The following ELAVL3 variants were observed in gnomAD, a reference collection of about 807,000 sequenced individuals.
The protein encoded by ELAVL3 is ELAV-like protein 3.
In ELAVL3, 8 loss-of-function variants were observed where a neutral mutation model predicts 34.2. The ratio of observed to expected loss-of-function variants is 0.23; its 90% CI spans 0.14 to 0.42. ELAVL3 has a LOEUF of 0.42. Ranked by LOEUF, ELAVL3 falls within the 10% of genes least tolerant of loss-of-function variation. ELAVL3 has a pLI of 1.00. For missense variants in ELAVL3, 273 were observed against 518.8 expected (o/e 0.53, Z 4.60); for synonymous variants, 209 against 222.1 (o/e 0.94, Z 0.53).
At chr19:11,464,838 CAG>C (rs1970991283) in intron 3 of ELAVL3, among the ~76,000 whole-genome samples, 1 of 121,508 alleles carries the variant, frequency 8.2e-6, no homozygotes, top group African/African-American at 3.2e-5. Context: ...ACACACAAAC[CAG>C]ACACACACAT....
At chr19:11,470,897 G>C (rs1370542149) in intron 1 of ELAVL3, among the ~76,000 whole-genome samples, 1 of 152,256 alleles carries the variant, frequency 6.6e-6, no homozygotes, top group African/African-American at 2.4e-5. Context: ...CCAGGCTGGA[G>C]TGCAGTGTTG....
chr19:11,454,449 TTC>T lies in ELAVL3; in HGVS notation c.*75_*76del, dbSNP rs925424662. On this transcript the variant is annotated 3_prime_UTR_variant, in exon 7 of 7. Coordinates refer to ENST00000359227, the MANE Select transcript of ELAVL3 (RefSeq NM_001420.4). The surrounding 1 kb of genome is among the most constrained non-coding windows in gnomAD (Gnocchi z 9.2). ...GCCTGTGCTGTCTCTCTTGGGCCCC[TTC>T]TCTCTCTCTCTCTCTCTTTCTCTCT... The T allele has an allele frequency of 0.033, 28,254 of 853,172 alleles. 11 individuals are homozygous for T. Among genetic ancestry groups the T allele is most frequent in the Non-Finnish European group, 0.035 (22,558 of 638,438 alleles). The allele number at this position is 853,172 out of a possible 1,614,324, so 52.9% of individuals were successfully genotyped here.
intron 1 of ELAVL3, among the ~76,000 whole-genome samples, chr19:11,471,265 A>T (rs957210058): frequency 6.8e-6 from 1 of 147,774 alleles, no homozygotes; most frequent in Non-Finnish European, 1.5e-5. Context: ...AGCTGAGATT[A>T]CATCATTGCA....
At chr19:11,455,383 C>T (rs1295234378) in intron 6 of ELAVL3, among the ~76,000 whole-genome samples, 2 of 151,572 alleles carry the variant, frequency 1.3e-5, no homozygotes, top group African/African-American at 4.9e-5. Flanking sequence ...TCACTGCAAC[C>T]TCTGCCTCCT....
intron 1 of ELAVL3, among the ~76,000 whole-genome samples, chr19:11,479,771 A>G (rs1265276405): frequency 6.6e-6 from 1 of 151,420 alleles, no homozygotes; most frequent in East Asian, 2.0e-4. Context: ...GCGCGGGGCT[A>G]GCGGTGCGGG....
At chr19:11,455,221 A>T (rs1970743260) in intron 6 of ELAVL3, among the ~76,000 whole-genome samples, 4 of 151,680 alleles carry the variant, frequency 2.6e-5, no homozygotes. Flanking sequence ...GCTGGTCTCG[A>T]ACTCTCAGGC....
chr19:11,469,884 C>G (rs547436483), intron 1 of ELAVL3, among the ~76,000 whole-genome samples: 2 of 152,158 alleles, frequency 1.3e-5, no homozygotes, highest in South Asian at 2.1e-4. Context: ...ATGGCGAAAC[C>G]CTGTCTCTAC....
chr19:11,475,255 C>T (rs1971241678), intron 1 of ELAVL3, among the ~76,000 whole-genome samples: 1 of 152,190 alleles, frequency 6.6e-6, no homozygotes, highest in Non-Finnish European at 1.5e-5. Context: ...ACACATTCTC[C>T]ATTTTACAGG....
At chr19:11,471,792 G>A (rs899369083) in intron 1 of ELAVL3, among the ~76,000 whole-genome samples, 3 of 152,110 alleles carry the variant, frequency 2.0e-5, no homozygotes, top group African/African-American at 7.2e-5. Context: ...GCTGGTACTG[G>A]CTCTGACAAC....
chr19:11,454,955 G>T lies in ELAVL3; in HGVS notation c.753-78C>A. The T allele has an allele frequency of 6.9e-7, 1 of 1,448,766 alleles. No homozygotes were observed. Among genetic ancestry groups the T allele is most frequent in the Non-Finnish European group, 9.3e-7 (1 of 1,077,768 alleles). 89.7% of individuals were successfully genotyped at this position (1,448,766 alleles called of 1,614,324 possible). A position where few individuals can be genotyped will look rare whatever the true frequency, so the allele number is the denominator to read the frequency against. On this transcript the variant is annotated intron_variant, in intron 6 of 6. Coordinates refer to ENST00000359227, the MANE Select transcript of ELAVL3 (RefSeq NM_001420.4). The surrounding 1 kb of genome is among the most constrained non-coding windows in gnomAD (Gnocchi z 9.2). ...CCGTTGTGACCCTTCACACCTTTAT[G>T]ACCCCTGACTGTGCCATGACCTTGG...
Position 11,464,123 on chromosome 19 carries a change from G to GTCTCTCTCTGTCTCTC in ELAVL3, c.333+2048_333+2049insGAGAGACAGAGAGAGA, listed in dbSNP as rs1317749325. Reference sequence around the variant, plus strand: ...CCTCTCTCTCTCTCTGTCTCTCTCTGTCTCTCTCTCTCTCTCTCTCTCTCT... The same window carrying GTCTCTCTCTGTCTCTC: ...CCTCTCTCTCTCTCTGTCTCTCTCTGTCTCTCTCTGTCTCTCTCTCTCTCTCTCTCTCTCTCTCTCT... On this transcript the variant is annotated intron_variant, in intron 3 of 6. Coordinates refer to ENST00000359227, the MANE Select transcript of ELAVL3 (RefSeq NM_001420.4). Among the ~76,000 whole-genome samples, 253 of 110,894 alleles carry GTCTCTCTCTGTCTCTC rather than the reference G, an allele frequency of 2.3e-3. 4 individuals carry two copies. The highest frequency in any genetic ancestry group is 9.8e-3 in the African/African-American group (243 of 24,874). 72.8% of individuals were successfully genotyped at this position (110,894 alleles called of 152,430 possible). A position where few individuals can be genotyped will look rare whatever the true frequency, so the allele number is the denominator to read the frequency against.
At chr19:11,461,832 GGACAGTGAGTTGA>G (rs922695390) in intron 3 of ELAVL3, among the ~76,000 whole-genome samples, 3 of 152,080 alleles carry the variant, frequency 2.0e-5, no homozygotes, top group Non-Finnish European at 2.9e-5. Flanking sequence ...CTTTTGTTTG[GGACAGTGAGTTGA>G]GACAGTGAGT....
At chr19:11,474,561 A>G (rs932784241) in intron 1 of ELAVL3, among the ~76,000 whole-genome samples, 5 of 151,954 alleles carry the variant, frequency 3.3e-5, no homozygotes, top group Non-Finnish European at 7.4e-5. Context: ...GCACTCCAGC[A>G]TTGCACACCA....
At chr19:11,465,697 A>C (rs972381890) in intron 3 of ELAVL3, among the ~76,000 whole-genome samples, 34 of 152,158 alleles carry the variant, frequency 2.2e-4, no homozygotes, top group Non-Finnish European at 3.4e-4. Context: ...ATTCCCCCCC[A>C]GGGAACCTGG....
At chr19:11,469,078 C>T (rs1392647429) in intron 1 of ELAVL3, among the ~76,000 whole-genome samples, 1 of 152,046 alleles carries the variant, frequency 6.6e-6, no homozygotes, top group African/African-American at 2.4e-5. Flanking sequence ...CGCCTCCAAG[C>T]CTGGCTACTT....
chr19:11,466,873 A>G lies in ELAVL3; in HGVS notation c.10-46T>C, dbSNP rs779443870. The G allele has an allele frequency of 6.6e-7, 1 of 1,509,076 alleles. No individual in the cohort carries two copies. The highest frequency in any genetic ancestry group is 1.2e-5 in the South Asian group (1 of 83,968). The allele number at this position is 1,509,076 out of a possible 1,614,324, so 93.5% of individuals were successfully genotyped here. A position where few individuals can be genotyped will look rare whatever the true frequency, so the allele number is the denominator to read the frequency against. On this transcript the variant is annotated intron_variant, in intron 1 of 6. Transcript: ENST00000359227. The surrounding 1 kb of genome is among the most constrained non-coding windows in gnomAD (Gnocchi z 5.0). ...CCGCTCACCGCCCAGTCCCCACACCAGGGGCCTGCGGCAATGAGTGGCTTG... is the reference window on the plus strand; with the variant it reads ...CCGCTCACCGCCCAGTCCCCACACCGGGGGCCTGCGGCAATGAGTGGCTTG...
intron 1 of ELAVL3, among the ~76,000 whole-genome samples, chr19:11,476,550 GA>G (rs112978353): frequency 0.15 from 21,213 of 143,276 alleles, 3,020 homozygotes; most frequent in African/African-American, 0.38. Context: ...ACTCTTAAGG[GA>G]AAAAAAAAAA....
intron 3 of ELAVL3, among the ~76,000 whole-genome samples, chr19:11,465,316 TACACACATGCAC>T (rs1287318347): frequency 3.9e-5 from 5 of 127,744 alleles, no homozygotes; most frequent in Admixed American, 2.3e-4. Flanking sequence ...ACCACACACA[TACACACATGCAC>T]ACACACCACA....
intron 3 of ELAVL3, among the ~76,000 whole-genome samples, chr19:11,461,283 C>A (rs1270425792): frequency 1.3e-5 from 2 of 152,074 alleles, no homozygotes; most frequent in Non-Finnish European, 2.9e-5. Flanking sequence ...ATTTACAAAG[C>A]AGGGAATATT....
Sources: allele counts gnomAD v4.1 joint callset (sites outside exome capture counted in the v4.1 genomes callset), GRCh38; gene constraint gnomAD v4.1.1; non-coding constraint Gnocchi (gnomAD v3.1); transcripts MANE v1.5; gene names NCBI Gene and HGNC (gene_info 2026-07-23, HGNC 2026-07-21).